IL21: variants seen among roughly 807,000 people sequenced by gnomAD.
The protein encoded by IL21 is interleukin-21.
Under a neutral mutation model 18.4 loss-of-function variants are expected in IL21, and 3 were observed. The ratio of observed to expected loss-of-function variants is 0.16; its 90% CI spans 0.07 to 0.42. The LOEUF is 0.42. IL21 is among the 10% of genes least tolerant of loss of function. IL21 has a pLI of 0.99. For synonymous variants in IL21, 37 were observed against 62.0 expected (o/e 0.60, Z 1.90); for missense variants, 130 against 188.4 (o/e 0.69, Z 1.81).
chr4:122,614,521 A>G (rs1303448758), intron 3 of IL21, among the ~76,000 whole-genome samples: 1 of 152,046 alleles, frequency 6.6e-6, no homozygotes, highest in East Asian at 1.9e-4. Flanking sequence ...AGCCTGACCA[A>G]CATGGTGAAA....
intron 3 of IL21, among the ~76,000 whole-genome samples, chr4:122,615,261 C>A (rs942676546): frequency 2.6e-5 from 4 of 152,210 alleles, no homozygotes; most frequent in African/African-American, 9.6e-5. Flanking sequence ...GTGGCTCATG[C>A]CTGTAATCCC....
At chr4:122,615,444 C>T (rs537911794) in intron 3 of IL21, among the ~76,000 whole-genome samples, 2 of 151,414 alleles carry the variant, frequency 1.3e-5, no homozygotes, top group Non-Finnish European at 2.9e-5. Context: ...AGGAGAATGG[C>T]GTGAAACCGG....
rs1312933863 is a variant in IL21, at chr4:122,610,329, AAT to A, written c.*2379_*2380del. On this transcript the variant is annotated 3_prime_UTR_variant, in exon 5 of 5. Transcript: ENST00000648588. ...CCAAGAAGACACTTTGAACTAAAAT[AAT>A]AAAGATCATGATTAATTTTCCCTGA... Among the ~76,000 whole-genome samples the A allele has an allele frequency of 2.6e-5, 4 of 152,230 alleles. No individual in the cohort carries two copies. Among genetic ancestry groups the A allele is most frequent in the Non-Finnish European group, 4.4e-5 (3 of 68,036 alleles).
In IL21 at chr4:122,611,437, C is replaced by T. The variant is rs1303533552; in HGVS notation, c.*1273G>A. Among the ~76,000 whole-genome samples, 1 of 152,186 alleles carries T rather than the reference C, an allele frequency of 6.6e-6. No individual in the cohort carries two copies. The highest frequency in any genetic ancestry group is 1.5e-5 in the Non-Finnish European group (1 of 68,018). On this transcript the variant is annotated 3_prime_UTR_variant, in exon 5 of 5. Transcript: ENST00000648588. ...AGAGCATAAAGCATTTCTCATCCCA[C>T]ATCCTCTTGCATAATCACAACTATT... is the stretch of plus-strand genomic sequence containing the variant.
At chr4:122,615,650 C>T in intron 3 of IL21, 32 bp downstream of exon 3, 2 of 1,591,494 alleles carry the variant, frequency 1.3e-6, no homozygotes, top group Non-Finnish European at 1.7e-6. Context: ...TTTATAAGTA[C>T]AAATAAGAGA....
chr4:122,620,802 A>G (rs1366726153), intron 1 of IL21, 42 bp downstream of exon 1: 2 of 1,611,934 alleles, frequency 1.2e-6, no homozygotes, highest in South Asian at 2.2e-5. Flanking sequence ...ATATTAATTG[A>G]AAAGTATGAT....
Position 122,610,337 on chromosome 4 carries a change from T to A in IL21, c.*2373A>T, listed in dbSNP as rs114890958. Among the ~76,000 whole-genome samples, 208 of 152,292 alleles carry A rather than the reference T, an allele frequency of 1.4e-3. 1 individual carries two copies. The highest frequency in any genetic ancestry group is 4.9e-3 in the African/African-American group (203 of 41,564). ...ACACTTTGAACTAAAATAATAAAGA[T>A]CATGATTAATTTTCCCTGAACTCTC... is the stretch of plus-strand genomic sequence containing the variant. On this transcript the variant is annotated 3_prime_UTR_variant, in exon 5 of 5. Transcript: ENST00000648588.
rs1451165075 is a variant in IL21, at chr4:122,611,968, T to C, written c.*742A>G. Reference sequence around the variant, plus strand: ...GCATATGTCCCTCTATAGGTTTAAATTGCCATTTCCACAAGCTTAAAATGT... The same window carrying C: ...GCATATGTCCCTCTATAGGTTTAAACTGCCATTTCCACAAGCTTAAAATGT... On this transcript the variant is annotated 3_prime_UTR_variant, in exon 5 of 5. Coordinates refer to ENST00000648588, the MANE Select transcript of IL21 (RefSeq NM_021803.4). Among the ~76,000 whole-genome samples, 1 of 152,104 alleles carries C rather than the reference T, an allele frequency of 6.6e-6. No individual in the cohort carries two copies. The highest frequency in any genetic ancestry group is 1.5e-5 in the Non-Finnish European group (1 of 67,970).
chr4:122,616,121 T>C (rs1410381676), intron 2 of IL21, among the ~76,000 whole-genome samples: 2 of 152,214 alleles, frequency 1.3e-5, no homozygotes, highest in Non-Finnish European at 2.9e-5. Flanking sequence ...GACAAGACCT[T>C]TGTGTTTTAT....
chr4:122,618,603 G>C (rs930922861), intron 2 of IL21, among the ~76,000 whole-genome samples: 4 of 151,926 alleles, frequency 2.6e-5, no homozygotes, highest in Non-Finnish European at 5.9e-5. Context: ...TCAAGAGATT[G>C]AGACCATCCT....
rs1234466832 is a variant in IL21 at position 122,611,879 on chromosome 4, A to G, written c.*831T>C. On this transcript the variant is annotated 3_prime_UTR_variant, in exon 5 of 5. Coordinates refer to ENST00000648588, the MANE Select transcript of IL21 (RefSeq NM_021803.4). ...CTAGCTTGCTCATAATATGATCATT[A>G]TAACAGTTTGAGAAGAGAGCTACAA... Among the ~76,000 whole-genome samples, 1 of 152,192 alleles carries G rather than the reference A, an allele frequency of 6.6e-6. No individual in the cohort carries two copies. Among genetic ancestry groups the G allele is most frequent in the East Asian group, 1.9e-4 (1 of 5,198 alleles).
chr4:122,620,182 T>C (rs1184151554), intron 2 of IL21: 1 of 152,934 alleles, frequency 6.5e-6, no homozygotes, highest in Non-Finnish European at 1.5e-5. Context: ...GTGAATTATA[T>C]TCTGAAGGAC....
At chr4:122,614,859 A>T (rs989451635) in intron 3 of IL21, among the ~76,000 whole-genome samples, 1 of 152,150 alleles carries the variant, frequency 6.6e-6, no homozygotes, top group Non-Finnish European at 1.5e-5. Context: ...GACTGTTAAA[A>T]TTCCCCAGCC....
chr4:122,616,104 G>T (rs1312986067), intron 2 of IL21, among the ~76,000 whole-genome samples: 1 of 152,218 alleles, frequency 6.6e-6, no homozygotes, highest in Non-Finnish European at 1.5e-5. Context: ...TTGATGTCTG[G>T]GTGGTGGACA....
chr4:122,620,587 C>T lies in IL21; in HGVS notation c.204+114G>A, dbSNP rs35739891. On this transcript the variant is annotated intron_variant, in intron 2 of 4. Coordinates refer to ENST00000648588, the MANE Select transcript of IL21 (RefSeq NM_021803.4). ...ATAAATATTTCATCAATTATTAGACCGCTAAGTTCATTAAAATTCAGTATA... is the reference window on the plus strand; with the variant it reads ...ATAAATATTTCATCAATTATTAGACTGCTAAGTTCATTAAAATTCAGTATA... The T allele has an allele frequency of 3.9e-3, 3,466 of 878,116 alleles. 15 individuals are homozygous for T. Among genetic ancestry groups the T allele is most frequent in the Non-Finnish European group, 5.4e-3 (3,040 of 566,448 alleles). The allele number at this position is 878,116 out of a possible 1,614,324, so 54.4% of individuals were successfully genotyped here. A position where few individuals can be genotyped will look rare whatever the true frequency, so the allele number is the denominator to read the frequency against.
rs2150683759 is a variant in IL21 at position 122,610,378 on chromosome 4, G to A, written c.*2332C>T. 6.6e-6 allele frequency among the ~76,000 whole-genome samples: 1 copy of A among 152,076 alleles called. No homozygotes were observed. The highest frequency in any genetic ancestry group is 2.1e-4 in the South Asian group (1 of 4,808). On this transcript the variant is annotated 3_prime_UTR_variant, in exon 5 of 5. Coordinates refer to ENST00000648588, the MANE Select transcript of IL21 (RefSeq NM_021803.4). ...CTGAACTCTCATGACCTATAATAAT[G>A]TTTCCTTTTCTCCCCTCCTTCCTTC... is the stretch of plus-strand genomic sequence containing the variant.
In IL21 at chr4:122,612,714, G is replaced by A. The variant is rs1365973160; in HGVS notation, c.485C>T (p.Ser162Phe). 1 of 1,607,540 alleles carries A rather than the reference G, an allele frequency of 6.2e-7. No homozygotes were observed. Among genetic ancestry groups the A allele is most frequent in the Non-Finnish European group, 8.5e-7 (1 of 1,174,568 alleles). The change falls in exon 5 of 5, where the codon TCC becomes TTC. Residue 162 changes from serine to phenylalanine, a missense_variant. Transcript: ENST00000648588. ...GTCCAACTGCAAGTTAGATCCTCAGGAATCTTCACTTCCGTGTGTTCTAGA... is the reference window on the plus strand; with the variant it reads ...GTCCAACTGCAAGTTAGATCCTCAGAAATCTTCACTTCCGTGTGTTCTAGA... Reference protein sequence around the residue: ...LSSRTHGSEDS With the variant: ...LSSRTHGSEDF
At chr4:122,618,735 G>A (rs1414885516) in intron 2 of IL21, among the ~76,000 whole-genome samples, 1 of 147,190 alleles carries the variant, frequency 6.8e-6, no homozygotes, top group African/African-American at 2.5e-5. Context: ...GAACCTGGGA[G>A]GCAGAGGTTG....
At chr4:122,617,770 A>G (rs1044410664) in intron 2 of IL21, among the ~76,000 whole-genome samples, 5 of 152,198 alleles carry the variant, frequency 3.3e-5, no homozygotes, top group African/African-American at 1.2e-4. Flanking sequence ...TTCTGCAAGC[A>G]GCAGAGCTGT....
Sources: allele counts gnomAD v4.1 joint callset (sites outside exome capture counted in the v4.1 genomes callset), GRCh38; gene constraint gnomAD v4.1.1; transcripts MANE v1.5; gene names NCBI Gene and HGNC (gene_info 2026-07-23, HGNC 2026-07-21).